Variants in RBL1 observed in about 807,000 individuals in gnomAD.
RBL1 encodes the protein retinoblastoma-like protein 1.
In RBL1, 82 loss-of-function variants were observed where a neutral mutation model predicts 123.0. That is an observed-to-expected ratio of 0.67 (90% CI 0.56 to 0.80). The LOEUF is 0.80. Among genes scored for constraint, RBL1 ranks in the 30% least tolerant of loss-of-function variants. The pLI is 0.00. For missense variants in RBL1, 1,171 were observed against 1,299.6 expected, an observed-to-expected ratio of 0.90 and a Z score of 1.52; for synonymous variants, 405 against 441.3, an observed-to-expected ratio of 0.92 and a Z score of 1.03.
chr20:37,051,055 T>G (rs2064902915), intron 11 of RBL1, among the ~76,000 whole-genome samples: 1 of 152,140 alleles, frequency 6.6e-6, no homozygotes, highest in Non-Finnish European at 1.5e-5. Context: ...CTATGTTGCC[T>G]AGGTTGGAGG....
At chr20:37,069,176 C>T (rs2065236272) in intron 2 of RBL1, among the ~76,000 whole-genome samples, 1 of 152,260 alleles carries the variant, frequency 6.6e-6, no homozygotes, top group South Asian at 2.1e-4. Flanking sequence ...GTGGCGTGAT[C>T]TCGGCTCGCT....
At position 37,069,184 on chromosome 20, in the gene RBL1, G is replaced by A. The variant is rs1325840034; in HGVS notation, c.291-998C>T. Among the ~76,000 whole-genome samples the A allele has an allele frequency of 2.0e-5, 3 of 152,206 alleles. No homozygotes were observed. In the South Asian group the frequency reaches 6.2e-4, roughly 31 times the overall value. On this transcript the variant is annotated intron_variant, in intron 2 of 21. Coordinates refer to ENST00000373664, the MANE Select transcript of RBL1 (RefSeq NM_002895.5). ...GAGTGCAGTGGCGTGATCTCGGCTC[G>A]CTACAACCTCCACCTCCCAGCCGCC...
At chr20:37,049,607 C>A in intron 11 of RBL1, 1 of 757,632 alleles carries the variant, frequency 1.3e-6, no homozygotes. Context: ...GAGTGCCCTT[C>A]TGATGAATGT....
intron 13 of RBL1, among the ~76,000 whole-genome samples, chr20:37,042,907 C>CAAAAAAAAA (rs1245245162): frequency 3.8e-5 from 2 of 53,320 alleles, no homozygotes; most frequent in South Asian, 6.2e-4. Context: ...CCCCCCCCTC[C>CAAAAAAAAA]AAAAAAAAAA....
intron 7 of RBL1, among the ~76,000 whole-genome samples, chr20:37,064,450 T>A (rs1009936394): frequency 2.6e-5 from 4 of 152,068 alleles, no homozygotes; most frequent in African/African-American, 9.7e-5. Context: ...GTAGCTGTTT[T>A]AAATGCCAAT....
At chr20:37,031,568 G>A (rs1281686227) in intron 16 of RBL1, among the ~76,000 whole-genome samples, 1 of 152,180 alleles carries the variant, frequency 6.6e-6, no homozygotes, top group African/African-American at 2.4e-5. Context: ...CGTTGGCAAC[G>A]ATGAGAAGAA....
intron 11 of RBL1, among the ~76,000 whole-genome samples, chr20:37,054,620 A>T (rs1451585352): frequency 2.0e-5 from 3 of 152,146 alleles, no homozygotes; most frequent in Non-Finnish European, 2.9e-5. Flanking sequence ...ACTTGAGGTC[A>T]GGAGCTCGAG....
chr20:37,026,314 C>A (rs562492500), intron 16 of RBL1, among the ~76,000 whole-genome samples: 58 of 152,144 alleles, frequency 3.8e-4, no homozygotes, highest in Admixed American at 3.7e-3. Context: ...TGGGCTGAGA[C>A]CTTCCATGAC....
Position 37,066,576 on chromosome 20 carries a change from A to T in RBL1, c.846+148T>A, listed in dbSNP as rs2065179577. 6 of 694,722 alleles carry T rather than the reference A, an allele frequency of 8.6e-6. No homozygotes were observed. In the South Asian group the frequency reaches 1.0e-4, roughly 12 times the overall value. 43.0% of individuals were successfully genotyped at this position (694,722 alleles called of 1,614,324 possible). ...TGTTTCTCACATCACACAAGATCAT[A>T]AGGAAATTCTGAATCACAGTAGAGG... On this transcript the variant is annotated intron_variant, in intron 6 of 21. Transcript: ENST00000373664.
At chr20:37,094,455 C>T (rs528378518) in intron 1 of RBL1, among the ~76,000 whole-genome samples, 22 of 152,248 alleles carry the variant, frequency 1.4e-4, no homozygotes, top group African/African-American at 5.3e-4. Context: ...CACATACAAT[C>T]GACACTTTTC....
intron 13 of RBL1, among the ~76,000 whole-genome samples, chr20:37,041,934 G>A (rs1408570388): frequency 2.6e-5 from 4 of 151,932 alleles, no homozygotes; most frequent in African/African-American, 4.8e-5. Flanking sequence ...TTAGCTGGGC[G>A]TGGTGGTGGG....
At chr20:37,037,991 T>G (rs1208266193) in intron 14 of RBL1, among the ~76,000 whole-genome samples, 2 of 133,746 alleles carry the variant, frequency 1.5e-5, no homozygotes, top group South Asian at 2.3e-4. Context: ...GGCCATTGTT[T>G]TTTTTTTTTT....
At chr20:37,048,776 C>T (rs2064854956) in intron 11 of RBL1, among the ~76,000 whole-genome samples, 1 of 151,536 alleles carries the variant, frequency 6.6e-6, no homozygotes, top group Non-Finnish European at 1.5e-5. Context: ...TCAAAACAAA[C>T]AGAAAAGCGA....
chr20:37,022,560 C>T, intron 17 of RBL1, 90 bp downstream of exon 17: 2 of 1,237,844 alleles, frequency 1.6e-6, no homozygotes, highest in Non-Finnish European at 1.1e-6. Context: ...ATCCTGGGCT[C>T]AAGCTATCTG....
chr20:37,058,129 ACAAAACAAAAC>A lies in RBL1; in HGVS notation c.1251-1882_1251-1872del, dbSNP rs1426938396. Among the ~76,000 whole-genome samples the A allele has an allele frequency of 5.3e-4, 76 of 142,208 alleles. 1 individual carries two copies. Among genetic ancestry groups the A allele is most frequent in the Middle Eastern group, 3.5e-3 (1 of 286 alleles). 93.3% of individuals were successfully genotyped at this position (142,208 alleles called of 152,430 possible). ...GAAACTCTGTCTAAAAAAAAAAAAA[ACAAAACAAAAC>A]AAAAAAAAAAAAGCCTATTCCAGGG... is the stretch of plus-strand genomic sequence containing the variant. On this transcript the variant is annotated intron_variant, in intron 9 of 21. Coordinates refer to ENST00000373664, the MANE Select transcript of RBL1 (RefSeq NM_002895.5).
chr20:37,007,642 G>C, intron 19 of RBL1, 83 bp from the exon 20 acceptor site: 1 of 1,392,716 alleles, frequency 7.2e-7, no homozygotes. Context: ...ACCCAGGGTG[G>C]AGTGCAGTGG....
rs372832960 is a variant in RBL1 at position 37,068,041 on chromosome 20, T to C, written c.436A>G (p.Ile146Val). ...GGTTCTTCATATGGATTTTGAAATA[T>C]ATCTAAAAAAATTGGCTCATATTTT... ...FKKYEPIFLD[I>V]FQNPYEEPPK... Residue 146 changes from isoleucine (I) to valine (V), a missense_variant, in exon 3 of 22, where the codon ATA (isoleucine) becomes GTA (valine). Physicochemically the swap from Ile to Val is conservative, Grantham distance 29. Transcript: ENST00000373664. 2.0e-5 allele frequency: 33 copies of C among 1,613,696 alleles called. No homozygotes were observed. The East Asian group carries it at 2.9e-4, about 14-fold the overall frequency.
chr20:37,020,647 A>C lies in RBL1; in HGVS notation c.2631+12T>G. ...TCTATTTTTGGACAGTAGGAAAAATAATGTAACTCACGTGACTATTAGCTT... is the reference window on the plus strand; with the variant it reads ...TCTATTTTTGGACAGTAGGAAAAATCATGTAACTCACGTGACTATTAGCTT... On this transcript the variant is annotated intron_variant, in intron 18 of 21. Coordinates refer to ENST00000373664, the MANE Select transcript of RBL1 (RefSeq NM_002895.5). 1 of 1,538,692 alleles carries C rather than the reference A, an allele frequency of 6.5e-7. No individual in the cohort carries two copies. The highest frequency in any genetic ancestry group is 8.8e-7 in the Non-Finnish European group (1 of 1,132,392).
intron 10 of RBL1, 145 bp from the exon 11 acceptor site, chr20:37,055,801 C>A: frequency 1.2e-6 from 1 of 860,756 alleles, no homozygotes; most frequent in Non-Finnish European, 1.7e-6. Flanking sequence ...GTAATCCTAG[C>A]ACTTTGGGAG....
Sources: allele counts gnomAD v4.1 joint callset (sites outside exome capture counted in the v4.1 genomes callset), GRCh38; gene constraint gnomAD v4.1.1; transcripts MANE v1.5; gene names NCBI Gene and HGNC (gene_info 2026-07-23, HGNC 2026-07-21).